MMP15: variants seen among roughly 807,000 people sequenced by gnomAD.
The protein encoded by MMP15 is matrix metallopeptidase 15.
Under a neutral mutation model 65.0 loss-of-function variants are expected in MMP15, and 36 were observed. The observed-to-expected ratio is 0.55, with a 90% CI of 0.42 to 0.73. MMP15 has a LOEUF of 0.73. Ranked by LOEUF, MMP15 falls within the 30% of genes least tolerant of loss-of-function variation. The probability of loss-of-function intolerance (pLI) is 0.00; values close to 1 mark genes in which losing one functional copy is unlikely to be tolerated. For missense variants in MMP15, 870 were observed against 987.8 expected (o/e 0.88, Z 1.60); for synonymous variants, 428 against 410.2 (o/e 1.04, Z -0.52).
rs3743563 is a variant in MMP15, at chr16:58,045,261, G to A, written c.1825G>A (p.Gly609Arg). The A allele has an allele frequency of 0.22, 348,198 of 1,608,266 alleles. 41,416 individuals carry two copies. The highest frequency in any genetic ancestry group is 0.39 in the Admixed American group (23,345 of 59,246). The change falls in exon 10 of 10, where the codon GGG becomes AGG. Residue 609 changes from glycine (G) to arginine (R), a missense_variant. Coordinates refer to ENST00000219271, the MANE Select transcript of MMP15 (RefSeq NM_002428.4). ...CTTTGGGGCCGGGGTCAACAAGGACGGGGGCAGCCGCGTGGTGGTGCAGAT... is the reference window on the plus strand; with the variant it reads ...CTTTGGGGCCGGGGTCAACAAGGACAGGGGCAGCCGCGTGGTGGTGCAGAT... ...GDFGAGVNKDGGSRVVVQMEE... is the reference protein window; with the variant it reads ...GDFGAGVNKDRGSRVVVQMEE...
Position 58,031,407 on chromosome 16 carries a change from C to G in MMP15, c.162+4895C>G, listed in dbSNP as rs41430345. 7.9e-5 allele frequency among the ~76,000 whole-genome samples: 12 copies of G among 152,284 alleles called. No homozygotes were observed. The East Asian group carries it at 2.1e-3, about 27-fold the overall frequency. On this transcript the variant is annotated intron_variant, in intron 1 of 9. Coordinates refer to ENST00000219271, the MANE Select transcript of MMP15 (RefSeq NM_002428.4). ...CTCCCCCGGCCCACCCAGCCTTGCC[C>G]CCATCTGTCCAGCCACCCAAGCTCT...
chr16:58,040,247 G>C (rs1477027361), intron 4 of MMP15, 65 bp downstream of exon 4: 1 of 1,517,078 alleles, frequency 6.6e-7, no homozygotes, highest in Non-Finnish European at 8.9e-7. Flanking sequence ...ACAACACCCT[G>C]CTGAGTGGGT....
At chr16:58,034,648 C>T (rs1196424107) in intron 1 of MMP15, among the ~76,000 whole-genome samples, 1 of 152,202 alleles carries the variant, frequency 6.6e-6, no homozygotes, top group African/African-American at 2.4e-5. Context: ...CCCCCAGCTT[C>T]CCCAATCACT....
Position 58,026,503 on chromosome 16 carries a change from C to T in MMP15, c.153C>T (p.Val51=), listed in dbSNP as rs758724628. Residue 51 remains valine, a synonymous_variant, in exon 1 of 10, where the codon GTC becomes GTT. Transcript: ENST00000219271. The stretch of plus-strand genomic sequence containing the variant: ...GCGTAGCGGCCGAAGACGCGGAGGT[C>T]CATGCCGAGGTAAGACCCCCGCCCT... ...GLGVAAEDAE[V]HAENWLRLYG... 2.2e-6 allele frequency: 3 copies of T among 1,359,014 alleles called. No individual in the cohort carries two copies. Among genetic ancestry groups the T allele is most frequent in the South Asian group, 3.4e-5 (2 of 58,182 alleles). 84.2% of individuals were successfully genotyped at this position (1,359,014 alleles called of 1,614,324 possible).
In MMP15 at chr16:58,040,674, C is replaced by G. The variant is rs1959434846; in HGVS notation, c.886C>G (p.Leu296Val). ...VDNFKLPEDD[L>V]RGIQQLYGTP... is the part of the protein sequence containing the mutation. ...CAACTTCAAGCTGCCCGAGGACGAT[C>G]TCCGTGGCATCCAGCAGCTCTACGG... Residue 296 changes from leucine (L) to valine (V), a missense_variant, in exon 5 of 10, where the codon CTC (leucine) becomes GTC (valine). Physicochemically the swap from Leu to Val is conservative, Grantham distance 32. Transcript: ENST00000219271. 1 of 1,614,190 alleles carries G rather than the reference C, an allele frequency of 6.2e-7. No homozygotes were observed. Among genetic ancestry groups the G allele is most frequent in the South Asian group, 1.1e-5 (1 of 91,088 alleles).
intron 5 of MMP15, chr16:58,041,007 T>C: frequency 2.1e-6 from 1 of 469,046 alleles, no homozygotes; most frequent in Non-Finnish European, 3.9e-6. Flanking sequence ...CACAAGTGCC[T>C]GGGGGATCCC....
In MMP15 at chr16:58,039,765, G is replaced by A. The variant is rs921891768; in HGVS notation, c.441-110G>A. 1.3e-5 allele frequency: 14 copies of A among 1,076,852 alleles called. No homozygotes were observed. In the African/African-American group the frequency reaches 2.1e-4, roughly 16 times the overall value. 66.7% of individuals were successfully genotyped at this position (1,076,852 alleles called of 1,614,324 possible). On this transcript the variant is annotated intron_variant, in intron 3 of 9. Coordinates refer to ENST00000219271, the MANE Select transcript of MMP15 (RefSeq NM_002428.4). ...TTTACATCAAAGCAAACTGCCAGTT[G>A]ATAATGACGGGCTTGTTGGTGACCT...
chr16:58,043,404 G>T, intron 8 of MMP15, 44 bp downstream of exon 8: 1 of 1,593,728 alleles, frequency 6.3e-7, no homozygotes, highest in Non-Finnish European at 8.5e-7. Context: ...GCCCCATCTA[G>T]GCCCCCCTCA....
intron 6 of MMP15, 146 bp downstream of exon 6, chr16:58,042,016 CT>C (rs2142330834): frequency 8.5e-7 from 1 of 1,174,752 alleles, no homozygotes; most frequent in Admixed American, 2.9e-5. Flanking sequence ...GGTTGAGGGA[CT>C]TGCCCAGGGT....
In MMP15 at chr16:58,039,887, C is replaced by T. The variant is rs2142329237; in HGVS notation, c.453C>T (p.Tyr151=). ...NHHLTFSIQN[Y]TEKLGWYHSM... ...CACCCACCCCCAGCATCCAGAACTA[C>T]ACGGAGAAGTTGGGCTGGTACCACT... The change falls in exon 4 of 10, where the codon TAC becomes TAT. Residue 151 remains tyrosine (Y), a synonymous_variant. Transcript: ENST00000219271. 1 of 1,603,158 alleles carries T rather than the reference C, an allele frequency of 6.2e-7. No individual in the cohort carries two copies. The highest frequency in any genetic ancestry group is 1.1e-5 in the South Asian group (1 of 90,430).
intron 9 of MMP15, among the ~76,000 whole-genome samples, chr16:58,044,610 C>G (rs1011205785): frequency 1.3e-5 from 2 of 152,210 alleles, no homozygotes; most frequent in African/African-American, 4.8e-5. Flanking sequence ...CCCAAGGCAG[C>G]ACCAGGTTCC....
rs554222211 is a variant in MMP15 at position 58,026,211 on chromosome 16, C to T, written c.-140C>T. On this transcript the variant is annotated 5_prime_UTR_variant, in exon 1 of 10. Transcript: ENST00000219271. ...GGGCTTGGGAATTTGCCGAGGCGACCTAGGCGGCTCCGGCGGGGACCGGGA... is the reference window on the plus strand; with the variant it reads ...GGGCTTGGGAATTTGCCGAGGCGACTTAGGCGGCTCCGGCGGGGACCGGGA... The T allele has an allele frequency of 5.1e-6, 5 of 977,728 alleles. No homozygotes were observed. The highest frequency in any genetic ancestry group is 5.1e-5 in the African/African-American group (3 of 59,242). 60.6% of individuals were successfully genotyped at this position (977,728 alleles called of 1,614,324 possible). A position where few individuals can be genotyped will look rare whatever the true frequency, so the allele number is the denominator to read the frequency against.
At chr16:58,041,354 C>T (rs1270439599) in intron 5 of MMP15, among the ~76,000 whole-genome samples, 1 of 152,164 alleles carries the variant, frequency 6.6e-6, no homozygotes, top group Non-Finnish European at 1.5e-5. Context: ...GGCTGGCATC[C>T]CAAGGGGAAT....
Position 58,043,224 on chromosome 16 carries a change from C to A in MMP15, c.1318C>A (p.Leu440Ile). 6.3e-7 allele frequency: 1 copy of A among 1,598,618 alleles called. No individual in the cohort carries two copies. The highest frequency in any genetic ancestry group is 8.5e-7 in the Non-Finnish European group (1 of 1,171,648). The change falls in exon 8 of 10, where the codon CTC (leucine) becomes ATC (isoleucine). Residue 440 changes from leucine to isoleucine, a missense_variant. By Grantham distance (5) the Leu-to-Ile change is conservative (BLOSUM62 2). Transcript: ENST00000219271. Reference sequence around the variant, plus strand: ...CCCTCCTGTAGGTGACCGCTACTGGCTCTTTCGAGAAGCGAACCTGGAGCC... The same window carrying A: ...CCCTCCTGTAGGTGACCGCTACTGGATCTTTCGAGAAGCGAACCTGGAGCC... ...FVFFKGDRYWLFREANLEPGY... is the reference protein window; with the variant it reads ...FVFFKGDRYWIFREANLEPGY...
At chr16:58,033,769 G>A (rs566143581) in intron 1 of MMP15, among the ~76,000 whole-genome samples, 1 of 152,364 alleles carries the variant, frequency 6.6e-6, no homozygotes, top group East Asian at 1.9e-4. Flanking sequence ...TGGGCATGGT[G>A]GCACATGCCT....
chr16:58,029,876 G>A (rs1001791587), intron 1 of MMP15, among the ~76,000 whole-genome samples: 1 of 152,068 alleles, frequency 6.6e-6, no homozygotes, highest in African/African-American at 2.4e-5. Context: ...GCCCATTCAG[G>A]ATGGCTACAC....
At chr16:58,028,011 C>T (rs1963846900) in intron 1 of MMP15, among the ~76,000 whole-genome samples, 1 of 152,228 alleles carries the variant, frequency 6.6e-6, no homozygotes. Context: ...AATTTCAAGT[C>T]ACAGTCCCAC....
chr16:58,042,747 G>A (rs41509644), intron 7 of MMP15, among the ~76,000 whole-genome samples: 2,239 of 152,310 alleles, frequency 0.015, 79 homozygotes, highest in African/African-American at 0.051. Flanking sequence ...GCAGCGCCCC[G>A]TGATGGATCC....
In MMP15 at chr16:58,041,816, C is replaced by T. The variant is rs1173519688; in HGVS notation, c.1110C>T (p.Cys370=). Residue 370 remains cysteine, a synonymous_variant, in exon 6 of 10, where the codon TGC becomes TGT. Coordinates refer to ENST00000219271, the MANE Select transcript of MMP15 (RefSeq NM_002428.4). ...CCGACCAGTATGGCCCCAACATCTGCGACGGGGACTTTGACACAGTGGCCA... is the reference window on the plus strand; with the variant it reads ...CCGACCAGTATGGCCCCAACATCTGTGACGGGGACTTTGACACAGTGGCCA... ...ERPDQYGPNI[C]DGDFDTVAML... 8.7e-6 allele frequency: 14 copies of T among 1,611,514 alleles called. No homozygotes were observed. Among genetic ancestry groups the T allele is most frequent in the Non-Finnish European group, 1.2e-5 (14 of 1,178,998 alleles).
Sources: allele counts gnomAD v4.1 joint callset (sites outside exome capture counted in the v4.1 genomes callset), GRCh38; gene constraint gnomAD v4.1.1; transcripts MANE v1.5; gene names NCBI Gene and HGNC (gene_info 2026-07-23, HGNC 2026-07-21).